The following CFAP47 variants were observed in gnomAD, a reference collection of about 807,000 sequenced individuals.
CFAP47 encodes cilia and flagella associated protein 47, also known as cilia- and flagella-associated protein 47.
In CFAP47, 29 loss-of-function variants were observed where a neutral mutation model predicts 148.1. The ratio of observed to expected loss-of-function variants is 0.20; its 90% CI spans 0.15 to 0.27. The LOEUF is 0.27. Among genes scored for constraint, CFAP47 ranks in the 10% least tolerant of loss-of-function variants. The probability of loss-of-function intolerance (pLI) is 1.00; values close to 1 mark genes in which losing one functional copy is unlikely to be tolerated. For synonymous variants in CFAP47, 664 were observed against 577.3 expected (o/e 1.15, Z -2.15); for missense variants, 1,872 against 1,697.5 (o/e 1.10, Z -1.81).
At chrX:35,971,998 AT>A in intron 13 of CFAP47, 33 bp downstream of exon 13, 2 of 815,654 alleles carry the variant, frequency 2.5e-6, no homozygotes, top group East Asian at 3.5e-5. Context: ...TACAGCCTTT[AT>A]TTTTTTATAA....
chrX:36,315,823 T>C (rs1556010859), intron 56 of CFAP47, among the ~76,000 whole-genome samples: 1 of 111,429 alleles, frequency 9.0e-6, no homozygotes, highest in Non-Finnish European at 1.9e-5. Context: ...AGTAGTAACT[T>C]CCTTTATAAT....
chrX:36,187,600 A>G (rs1185005303), intron 40 of CFAP47, among the ~76,000 whole-genome samples: 1 of 112,052 alleles, frequency 8.9e-6, no homozygotes, highest in Non-Finnish European at 1.9e-5. Flanking sequence ...TATTGTGTCT[A>G]TAGCAGTGGT....
In CFAP47 at chrX:36,032,707, G is replaced by A. The variant is rs186270253; in HGVS notation, c.3651+1360G>A. On this transcript the variant is annotated intron_variant, in intron 23 of 63. Transcript: ENST00000378653. The stretch of plus-strand genomic sequence containing the variant: ...AAACCATAAAATACTCATGCTGCAG[G>A]CAGATAATGGCCCCAAAGATGCTTA... 8.1e-5 allele frequency among the ~76,000 whole-genome samples: 9 copies of A among 111,044 alleles called. No homozygotes were observed. The East Asian group carries it at 2.0e-3, about 24-fold the overall frequency.
intron 50 of CFAP47, among the ~76,000 whole-genome samples, chrX:36,281,180 T>G (rs1279824576): frequency 1.8e-5 from 2 of 111,860 alleles, no homozygotes; most frequent in Non-Finnish European, 3.8e-5. Context: ...CTTTTATGGG[T>G]GAGTAGCAGG....
intron 30 of CFAP47, among the ~76,000 whole-genome samples, chrX:36,087,122 C>T (rs1387577939): frequency 8.9e-6 from 1 of 111,968 alleles, no homozygotes; most frequent in Non-Finnish European, 1.9e-5. Flanking sequence ...CTCGTGTAAG[C>T]CCAAATCCAG....
intron 10 of CFAP47, among the ~76,000 whole-genome samples, chrX:35,970,083 A>T (rs913513436): frequency 5.0e-4 from 40 of 79,624 alleles, no homozygotes; most frequent in Non-Finnish European, 8.3e-4. Context: ...CTTACGTTTT[A>T]ATTACTGAGG....
chrX:36,230,050 G>A (rs1425906547), intron 46 of CFAP47, among the ~76,000 whole-genome samples: 1 of 109,728 alleles, frequency 9.1e-6, no homozygotes, highest in Non-Finnish European at 1.9e-5. Flanking sequence ...TTGCTACTGT[G>A]AACAGTGCCG....
At chrX:36,064,778 T>C (rs1230884709) in intron 26 of CFAP47, among the ~76,000 whole-genome samples, 3 of 111,937 alleles carry the variant, frequency 2.7e-5, no homozygotes, top group African/African-American at 6.5e-5. Context: ...AATATAGCCC[T>C]TCTATTAAAA....
chrX:36,087,216 T>G (rs915281680), intron 30 of CFAP47, among the ~76,000 whole-genome samples: 6 of 111,948 alleles, frequency 5.4e-5, no homozygotes, highest in African/African-American at 1.6e-4. Context: ...ATATAAATAT[T>G]AGATACATGG....
At chrX:36,080,020 A>C (rs1937943052) in intron 29 of CFAP47, among the ~76,000 whole-genome samples, 1 of 111,836 alleles carries the variant, frequency 8.9e-6, no homozygotes, top group Non-Finnish European at 1.9e-5. Context: ...AAATTTTTGC[A>C]GTATACCCAT....
chrX:36,303,817 C>T, intron 53 of CFAP47, 32 bp from the exon 54 acceptor site: 1 of 839,280 alleles, frequency 1.2e-6, no homozygotes, highest in African/African-American at 2.1e-5. Context: ...TTATGAATAC[C>T]AGCAACTTTA....
intron 13 of CFAP47, among the ~76,000 whole-genome samples, chrX:35,973,915 A>G (rs1281075983): frequency 1.8e-5 from 2 of 112,420 alleles, no homozygotes; most frequent in Admixed American, 9.4e-5. Context: ...TAATTCCTTT[A>G]TCCATTCAGT....
intron 49 of CFAP47, among the ~76,000 whole-genome samples, chrX:36,260,784 A>G (rs1175084407): frequency 1.8e-5 from 2 of 111,920 alleles, no homozygotes; most frequent in Non-Finnish European, 3.8e-5. Flanking sequence ...GCCAAGGTCT[A>G]TGTCCAGAAT....
chrX:36,078,508 G>A (rs6629044), intron 29 of CFAP47, among the ~76,000 whole-genome samples: 27,763 of 108,986 alleles, frequency 0.25, 5,160 homozygotes, highest in African/African-American at 0.63. Flanking sequence ...CTGTTTTATC[G>A]GAGACTAGGA....
At chrX:36,159,857 G>A (rs1333016936) in intron 38 of CFAP47, among the ~76,000 whole-genome samples, 3 of 111,765 alleles carry the variant, frequency 2.7e-5, no homozygotes, top group Non-Finnish European at 5.6e-5. Context: ...CTATTATAAA[G>A]ATAAGACTAA....
chrX:36,326,962 A>G (rs1234901876), intron 57 of CFAP47, among the ~76,000 whole-genome samples: 3 of 111,603 alleles, frequency 2.7e-5, no homozygotes, highest in Non-Finnish European at 3.8e-5. Context: ...AACGCAGGGT[A>G]TATTAGAGAT....
chrX:36,159,099 A>G (rs1939401289), intron 37 of CFAP47, among the ~76,000 whole-genome samples: 2 of 112,074 alleles, frequency 1.8e-5, no homozygotes, highest in Admixed American at 9.5e-5. Flanking sequence ...GAGACCAGTG[A>G]CATGACAAAG....
chrX:35,951,207 A>C lies in CFAP47; in HGVS notation c.733A>C (p.Ser245Arg), dbSNP rs758980040. The C allele has an allele frequency of 8.3e-7, 1 of 1,209,069 alleles. No individual in the cohort carries two copies. The part of the protein sequence containing the change: ...HVVEQIIELL[S>R]MSSDRRLECI... ...GGTTGAGCAGATTATTGAATTATTA[A>C]GCATGAGTAGTGACAGAAGGCTGGA... Residue 245 changes from serine to arginine, a missense_variant, in exon 5 of 64, where the codon AGC (serine) becomes CGC (arginine). Transcript: ENST00000378653.
At chrX:36,176,940 A>G (rs1449479941) in intron 39 of CFAP47, among the ~76,000 whole-genome samples, 1 of 111,963 alleles carries the variant, frequency 8.9e-6, no homozygotes, top group Admixed American at 9.5e-5. Flanking sequence ...AAATGGGCAA[A>G]CTATATTAAA....
Sources: gnomAD v4.1 joint callset for allele counts (sites outside exome capture counted in the v4.1 genomes callset) on GRCh38, gnomAD v4.1.1 for gene constraint, MANE v1.5 for transcripts, NCBI Gene and HGNC (gene_info 2026-07-23, HGNC 2026-07-21) for gene names.